The following FNBP4 variants were observed in gnomAD, a reference collection of about 807,000 sequenced individuals.
FNBP4 encodes formin binding protein 4, also known as formin-binding protein 4.
FNBP4 carries 34 observed loss-of-function variants against 119.3 expected under a neutral mutation model. That is an observed-to-expected ratio of 0.28 (90% CI 0.22 to 0.38). The LOEUF (loss-of-function observed/expected upper bound fraction) is 0.38, where lower values mean the gene tolerates loss of function less well. FNBP4 is among the 10% of genes least tolerant of loss of function. The probability of loss-of-function intolerance (pLI) is 1.00; values close to 1 mark genes in which losing one functional copy is unlikely to be tolerated. For synonymous variants in FNBP4, 462 were observed against 430.6 expected (o/e 1.07, Z -0.90); for missense variants, 1,112 against 1,228.9 (o/e 0.90, Z 1.42).
At chr11:47,728,406 C>T (rs984222651) in intron 12 of FNBP4, among the ~76,000 whole-genome samples, 34 of 152,014 alleles carry the variant, frequency 2.2e-4, no homozygotes, top group African/African-American at 8.0e-4. Context: ...CCCGCCACGA[C>T]ACCTGGCTAA....
chr11:47,719,754 T>G (rs559547481), intron 16 of FNBP4, among the ~76,000 whole-genome samples, 175 bp downstream of exon 16: 3 of 152,232 alleles, frequency 2.0e-5, no homozygotes, highest in African/African-American at 4.8e-5. Context: ...GCCCATAATT[T>G]CTATAAGGAA....
intron 8 of FNBP4, among the ~76,000 whole-genome samples, 165 bp from the exon 9 acceptor site, chr11:47,736,905 TAAC>T (rs1046923458): frequency 6.6e-6 from 1 of 152,110 alleles, no homozygotes; most frequent in African/African-American, 2.4e-5. Flanking sequence ...ACTGTCTATA[TAAC>T]CCAAAAACAA....
Position 47,724,632 on chromosome 11 carries a change from G to A in FNBP4, c.2155C>T (p.Pro719Ser). The A allele has an allele frequency of 6.2e-7, 1 of 1,614,106 alleles. No homozygotes were observed. The highest frequency in any genetic ancestry group is 1.7e-5 in the Admixed American group (1 of 60,006). The change falls in exon 13 of 17, where the codon CCA becomes TCA. Residue 719 changes from proline (P) to serine (S), a missense_variant. By Grantham distance (74) the Pro-to-Ser change is moderately conservative. Around this residue, in one of 2 missense-constraint regions of FNBP4, gnomAD observed 826 missense variants for 988.8 expected, o/e 0.84. Transcript: ENST00000263773. ...GGAGGAGGGGGTGGAGGTGATTCTGGAGGTGGAGGTGGGGGTGGTGGCATT... is the reference window on the plus strand; with the variant it reads ...GGAGGAGGGGGTGGAGGTGATTCTGAAGGTGGAGGTGGGGGTGGTGGCATT... ...LEMPPPPPPPPESPPPPPPPP... is the reference protein window; with the variant it reads ...LEMPPPPPPPSESPPPPPPPP...
At chr11:47,765,153 G>A (rs1271334323) in intron 2 of FNBP4, 117 bp downstream of exon 2, 3 of 651,942 alleles carry the variant, frequency 4.6e-6, no homozygotes, top group Non-Finnish European at 8.0e-6. Context: ...TCATATTTTT[G>A]GGAGAAATAA....
chr11:47,724,334 G>C, intron 13 of FNBP4, 134 bp downstream of exon 13: 2 of 1,532,162 alleles, frequency 1.3e-6, no homozygotes, highest in African/African-American at 2.7e-5. Context: ...CTCCTGCTTC[G>C]ACCTCCCAAA....
rs2097568277 is a variant in FNBP4, at chr11:47,732,262, C to A, written c.1820+275G>T. 8.0e-7 allele frequency: 1 copy of A among 1,246,486 alleles called. No homozygotes were observed. The highest frequency in any genetic ancestry group is 2.2e-5 in the South Asian group (1 of 45,438). The allele number at this position is 1,246,486 out of a possible 1,614,324, so 77.2% of individuals were successfully genotyped here. On this transcript the variant is annotated intron_variant, in intron 11 of 16. Transcript: ENST00000263773. This position sits in a 1 kb window ranked among gnomAD's most constrained non-coding sequence, Gnocchi z 4.2. ...CTCTCGCATGCGCTTAACCCCCAAG[C>A]CCGCCCTACTCCGTGCAACACTCTG...
chr11:47,721,231 G>A (rs573828873), intron 15 of FNBP4, among the ~76,000 whole-genome samples: 4 of 151,584 alleles, frequency 2.6e-5, no homozygotes, highest in African/African-American at 9.7e-5. Context: ...CAGCCTGGGC[G>A]ACAGAGCAAG....
chr11:47,736,769 A>G (rs779583693), intron 8 of FNBP4, 29 bp from the exon 9 acceptor site: 4 of 1,570,376 alleles, frequency 2.5e-6, no homozygotes, highest in Non-Finnish European at 1.7e-6. Context: ...AAATTAAACC[A>G]AAGTACCAAT....
At position 47,750,898 on chromosome 11, in the gene FNBP4, GT is replaced by G. The variant is rs1156970375; in HGVS notation, c.906+17del. ...TTAGATCTGAAAATAAACAAATGAG[GT>G]AAGTTTCGACACTGACCTTTTTAAC... On this transcript the variant is annotated intron_variant, in intron 6 of 16. Coordinates refer to ENST00000263773, the MANE Select transcript of FNBP4 (RefSeq NM_015308.5). 2.5e-6 allele frequency: 4 copies of G among 1,612,396 alleles called. No individual in the cohort carries two copies. The highest frequency in any genetic ancestry group is 1.3e-5 in the African/African-American group (1 of 74,754).
Position 47,758,215 on chromosome 11 carries a change from G to C in FNBP4, c.314-3551C>G, listed in dbSNP as rs540859663. On this transcript the variant is annotated intron_variant, in intron 2 of 16. Transcript: ENST00000263773. ...CCCACCTCAATCAGGCTCCTGTGTA[G>C]CTGGGACTAGAGATGCGCACCACTG... Among the ~76,000 whole-genome samples, 16 of 152,258 alleles carry C rather than the reference G, an allele frequency of 1.1e-4. No individual in the cohort carries two copies. In the South Asian group the frequency reaches 3.1e-3, roughly 30 times the overall value.
chr11:47,767,022 G>T (rs926773475), intron 1 of FNBP4, 47 bp downstream of exon 1: 19 of 1,507,598 alleles, frequency 1.3e-5, no homozygotes, highest in Non-Finnish European at 6.2e-6. Context: ...GAGGAGCCTA[G>T]GCCGCAAGCC....
At chr11:47,745,285 C>T (rs1368710483) in intron 7 of FNBP4, among the ~76,000 whole-genome samples, 2 of 152,132 alleles carry the variant, frequency 1.3e-5, no homozygotes, top group African/African-American at 4.8e-5. Context: ...GCATAGAGCC[C>T]ATAAATGGAC....
chr11:47,733,582 C>T (rs972362801), intron 10 of FNBP4, among the ~76,000 whole-genome samples: 1 of 152,094 alleles, frequency 6.6e-6, no homozygotes, highest in Non-Finnish European at 1.5e-5. Flanking sequence ...GATCTACCTG[C>T]CCCGGCCTCC....
chr11:47,718,203 T>G (rs927165042), intron 16 of FNBP4, among the ~76,000 whole-genome samples: 7 of 151,560 alleles, frequency 4.6e-5, no homozygotes, highest in African/African-American at 1.7e-4. Context: ...ACAGGGACCC[T>G]GGGATCTAAT....
chr11:47,752,578 G>C (rs1262518463), intron 4 of FNBP4: 2 of 183,046 alleles, frequency 1.1e-5, no homozygotes, highest in Non-Finnish European at 2.3e-5. Flanking sequence ...GGAGGCCAAG[G>C]CAGGCTGATT....
rs2097622423 is a variant in FNBP4 at position 47,757,663 on chromosome 11, T to C, written c.314-2999A>G. ...TGTGCACCACCACACCTGGGTAATG[T>C]TTGCATTTTTAGTAGAGATGGGGTT... On this transcript the variant is annotated intron_variant, in intron 2 of 16. Transcript: ENST00000263773. 3.3e-5 allele frequency among the ~76,000 whole-genome samples: 5 copies of C among 151,860 alleles called. No individual in the cohort carries two copies. In the South Asian group the frequency reaches 8.3e-4, roughly 25 times the overall value.
At chr11:47,734,182 AT>A in intron 9 of FNBP4, 53 bp from the exon 10 acceptor site, 1 of 988,384 alleles carries the variant, frequency 1.0e-6, no homozygotes, top group Non-Finnish European at 1.5e-6. Flanking sequence ...CATTTTCTGT[AT>A]TATGTACAAT....
At chr11:47,754,372 A>G (rs1031058645) in intron 3 of FNBP4, among the ~76,000 whole-genome samples, 156 bp downstream of exon 3, 1 of 152,110 alleles carries the variant, frequency 6.6e-6, no homozygotes, top group Non-Finnish European at 1.5e-5. Context: ...AACAAAACAA[A>G]AAGAGAGATA....
chr11:47,750,365 G>C (rs1326123495), intron 6 of FNBP4, among the ~76,000 whole-genome samples: 5 of 119,398 alleles, frequency 4.2e-5, no homozygotes, highest in African/African-American at 1.6e-4. Flanking sequence ...CTGGGCAACA[G>C]AGCGAGACTC....
Sources: gnomAD v4.1 joint callset for allele counts (sites outside exome capture counted in the v4.1 genomes callset) on GRCh38, gnomAD v4.1.1 for gene constraint, gnomAD v4.1.1 regional missense constraint, Gnocchi (gnomAD v3.1) non-coding constraint, MANE v1.5 for transcripts, NCBI Gene and HGNC (gene_info 2026-07-23, HGNC 2026-07-21) for gene names.